Variants in ANKRD62 observed in about 807,000 individuals in gnomAD.
ANKRD62 encodes ankyrin repeat domain 62, also known as ankyrin repeat domain-containing protein 62.
A neutral mutation model predicts 98.8 loss-of-function variants in ANKRD62; 61 were observed. The observed-to-expected ratio is 0.62, with a 90% CI of 0.50 to 0.76. The LOEUF (loss-of-function observed/expected upper bound fraction) is 0.76, where lower values mean the gene tolerates loss of function less well. ANKRD62 is among the 30% of genes least tolerant of loss of function. ANKRD62 has a pLI of 0.00. For missense variants in ANKRD62, 933 were observed against 1,082.9 expected (o/e 0.86, Z 1.94); for synonymous variants, 341 against 367.9 (o/e 0.93, Z 0.84).
At chr18:12,102,709 T>C (rs1277651208) in intron 6 of ANKRD62, 2 of 1,034,764 alleles carry the variant, frequency 1.9e-6, no homozygotes, top group African/African-American at 3.4e-5. Flanking sequence ...ACGGGGTGTA[T>C]ATGGATGAAG....
chr18:12,118,335 C>T lies in ANKRD62; in HGVS notation c.1240+2801C>T, dbSNP rs192497232. On this transcript the variant is annotated intron_variant, in intron 10 of 13. Coordinates refer to ENST00000587848, the MANE Select transcript of ANKRD62 (RefSeq NM_001277333.2). ...GAAAGTAGCCTTTTTAGGCCGGGCACGGTGGCTCACGCCTGTAATCCCAGC... is the reference window on the plus strand; with the variant it reads ...GAAAGTAGCCTTTTTAGGCCGGGCATGGTGGCTCACGCCTGTAATCCCAGC... Among the ~76,000 whole-genome samples the T allele has an allele frequency of 6.6e-5, 10 of 152,160 alleles. No homozygotes were observed. In the East Asian group the frequency reaches 1.2e-3, roughly 18 times the overall value.
intron 2 of ANKRD62, 55 bp downstream of exon 2, chr18:12,095,340 A>C (rs1410363294): frequency 2.4e-5 from 36 of 1,529,312 alleles, no homozygotes; most frequent in Non-Finnish European, 3.0e-5. Context: ...AATTCACAGA[A>C]TAAAATTAAT....
the ANKRD62 span, among the ~76,000 whole-genome samples, chr18:12,165,016 T>A: frequency 6.6e-6 from 1 of 152,184 alleles, no homozygotes; most frequent in East Asian, 1.9e-4. Context: ...AATTGACCCC[T>A]TTATCATTAT....
the ANKRD62 span, among the ~76,000 whole-genome samples, chr18:12,172,598 G>T: frequency 1.3e-5 from 2 of 152,234 alleles, no homozygotes; most frequent in Non-Finnish European, 2.9e-5. Context: ...GAGGCAGTCT[G>T]TCCGTTCTCA....
intron 8 of ANKRD62, 21 bp from the exon 9 acceptor site, chr18:12,115,067 A>AT: frequency 7.2e-7 from 1 of 1,392,768 alleles, no homozygotes; most frequent in Non-Finnish European, 9.3e-7. Flanking sequence ...CCTGATTGGA[A>AT]TTTTTTGGTT....
chr18:12,178,066 G>T, the ANKRD62 span, among the ~76,000 whole-genome samples: 29 of 83,872 alleles, frequency 3.5e-4, no homozygotes, highest in East Asian at 8.5e-3. Context: ...ATAAGAAGAA[G>T]CATAAGAAGA....
chr18:12,139,761 T>C, the ANKRD62 span, among the ~76,000 whole-genome samples: 2 of 152,196 alleles, frequency 1.3e-5, no homozygotes, highest in Admixed American at 1.3e-4. Context: ...CCGACCTTTC[T>C]CTCTGGCTGC....
chr18:12,152,125 A>G, the ANKRD62 span, among the ~76,000 whole-genome samples: 1 of 141,280 alleles, frequency 7.1e-6, no homozygotes, highest in African/African-American at 2.6e-5. Context: ...TCACAGCCAG[A>G]TTCGACCAGA....
At chr18:12,140,978 T>C in the ANKRD62 span, among the ~76,000 whole-genome samples, 1 of 152,228 alleles carries the variant, frequency 6.6e-6, no homozygotes, top group Non-Finnish European at 1.5e-5. Context: ...CAGGCAGGCC[T>C]CCTTGAATTG....
chr18:12,096,062 G>A (rs186695757), intron 3 of ANKRD62, 134 bp from the exon 4 acceptor site: 24 of 660,182 alleles, frequency 3.6e-5, no homozygotes, highest in African/African-American at 7.3e-5. Context: ...GCACAGTGGA[G>A]TGAGAAGGAA....
Position 12,110,774 on chromosome 18 carries a change from C to A in ANKRD62, c.1064+3307C>A, listed in dbSNP as rs115244433. ...ATTTAACCTACCAGCAATATTTGAC[C>A]CCATGGAGAACTTTCTCCACCATAT... On this transcript the variant is annotated intron_variant, in intron 8 of 13. Coordinates refer to ENST00000587848, the MANE Select transcript of ANKRD62 (RefSeq NM_001277333.2). Among the ~76,000 whole-genome samples, 255 of 152,182 alleles carry A rather than the reference C, an allele frequency of 1.7e-3. 1 individual carries two copies. Among genetic ancestry groups the A allele is most frequent in the African/African-American group, 5.4e-3 (223 of 41,506 alleles).
chr18:12,159,766 G>A, the ANKRD62 span, among the ~76,000 whole-genome samples: 6 of 152,034 alleles, frequency 3.9e-5, no homozygotes. Flanking sequence ...ATTATTATTA[G>A]TTACTAGTTT....
the ANKRD62 span, among the ~76,000 whole-genome samples, chr18:12,162,130 T>C: frequency 4.6e-5 from 7 of 152,104 alleles, no homozygotes; most frequent in Non-Finnish European, 8.8e-5. Context: ...TAATTTATGT[T>C]TCCACCAACA....
At chr18:12,152,299 C>T in the ANKRD62 span, among the ~76,000 whole-genome samples, 1 of 151,908 alleles carries the variant, frequency 6.6e-6, no homozygotes, top group African/African-American at 2.4e-5. Flanking sequence ...AAGCTTCAGG[C>T]TGTTATCCTT....
chr18:12,163,519 G>A, the ANKRD62 span, among the ~76,000 whole-genome samples: 2 of 152,052 alleles, frequency 1.3e-5, no homozygotes, highest in Non-Finnish European at 2.9e-5. Context: ...TTGTCTGATT[G>A]TTCTAGCGAG....
chr18:12,133,241 G>C (rs1910032503), downstream of ANKRD62, among the ~76,000 whole-genome samples: 1 of 152,150 alleles, frequency 6.6e-6, no homozygotes, highest in Admixed American at 6.5e-5. Context: ...CATACAGCAT[G>C]TATCAGTAGT....
At chr18:12,141,340 C>T in the ANKRD62 span, among the ~76,000 whole-genome samples, 13 of 152,346 alleles carry the variant, frequency 8.5e-5, no homozygotes, top group African/African-American at 1.4e-4. Context: ...AGCTCACACA[C>T]GGTGCACTGC....
At chr18:12,112,539 C>G (rs1466410215) in intron 8 of ANKRD62, among the ~76,000 whole-genome samples, 2 of 152,160 alleles carry the variant, frequency 1.3e-5, no homozygotes, top group Non-Finnish European at 2.9e-5. Context: ...TCACCCTTTC[C>G]TTACACCATA....
intron 12 of ANKRD62, among the ~76,000 whole-genome samples, 181 bp from the exon 13 acceptor site, chr18:12,125,279 T>C (rs1303891354): frequency 6.6e-6 from 1 of 152,176 alleles, no homozygotes; most frequent in African/African-American, 2.4e-5. Context: ...TTTTGAACTT[T>C]TGAGAATTTA....
Sources: gnomAD v4.1 joint callset for allele counts (sites outside exome capture counted in the v4.1 genomes callset) on GRCh38, gnomAD v4.1.1 for gene constraint, MANE v1.5 for transcripts, NCBI Gene and HGNC (gene_info 2026-07-23, HGNC 2026-07-21) for gene names.